Variants in TRPM8 observed in about 807,000 individuals in gnomAD.
The protein encoded by TRPM8 is TRPM8 cationic channel.
TRPM8 carries 110 observed loss-of-function variants against 133.7 expected under a neutral mutation model. That is an observed-to-expected ratio of 0.82 (90% CI 0.70 to 0.96). The LOEUF is 0.96. Among genes scored for constraint, TRPM8 ranks in the 40% least tolerant of loss-of-function variants. TRPM8 has a pLI of 0.00. For missense variants in TRPM8, 1,291 were observed against 1,379.5 expected (o/e 0.94, Z 1.02); for synonymous variants, 535 against 532.3 (o/e 1.01, Z -0.07).
In TRPM8 at chr2:233,964,746, C is replaced by A. The variant is rs1442466525; in HGVS notation, c.1868C>A (p.Thr623Asn). The A allele has an allele frequency of 2.5e-6, 4 of 1,611,382 alleles. No individual in the cohort carries two copies. Among genetic ancestry groups the A allele is most frequent in the Non-Finnish European group, 3.4e-6 (4 of 1,178,202 alleles). The change falls in exon 14 of 26, where the codon ACC (threonine) becomes AAC (asparagine). Residue 623 changes from threonine (T) to asparagine (N), a missense_variant. This residue lies in a region of TRPM8 where 963 missense variants were observed against 968.9 expected (regional missense o/e 0.99). Coordinates refer to ENST00000324695, the MANE Select transcript of TRPM8 (RefSeq NM_024080.5). ...ESEELANEYE[T>N]RAVELFTECY... ...GAGGAGCTGGCTAATGAGTACGAGA[C>A]CCGGGCTGTTGGTGAGTCCACAGTG...
At chr2:234,001,994 G>C (rs1010832057) in intron 22 of TRPM8, among the ~76,000 whole-genome samples, 1 of 152,178 alleles carries the variant, frequency 6.6e-6, no homozygotes, top group Non-Finnish European at 1.5e-5. Flanking sequence ...GGGGAGTGGG[G>C]AGCAGAGAAT....
intron 22 of TRPM8, among the ~76,000 whole-genome samples, chr2:233,998,750 G>C (rs148497614): frequency 6.8e-4 from 103 of 152,170 alleles, no homozygotes; most frequent in African/African-American, 2.3e-3. Context: ...TGCCCATCCA[G>C]TTAGGGTGCC....
chr2:233,988,264 C>A (rs528500103), intron 21 of TRPM8, among the ~76,000 whole-genome samples: 2 of 152,116 alleles, frequency 1.3e-5, no homozygotes, highest in South Asian at 4.2e-4. Context: ...TCCCGAACTT[C>A]TCTTCCTGCC....
intron 22 of TRPM8, among the ~76,000 whole-genome samples, chr2:234,003,733 T>C (rs1029291177): frequency 6.6e-6 from 1 of 152,208 alleles, no homozygotes; most frequent in Non-Finnish European, 1.5e-5. Context: ...AAGAACAATG[T>C]CTAACAGTGT....
Position 233,980,438 on chromosome 2 carries a change from G to A in TRPM8, c.2447+159G>A, listed in dbSNP as rs780709654. Among the ~76,000 whole-genome samples, 23 of 152,168 alleles carry A rather than the reference G, an allele frequency of 1.5e-4. 1 individual carries two copies. The highest frequency in any genetic ancestry group is 1.0e-3 in the Admixed American group (16 of 15,276). ...TTTATAGAGATACACCTTGGTTGTC[G>A]TGAAGTTGAGTCCCCTCTCTTCCCC... On this transcript the variant is annotated intron_variant, in intron 18 of 25. Transcript: ENST00000324695.
At position 233,975,959 on chromosome 2, in the gene TRPM8, A is replaced by G. The variant is rs144131937; in HGVS notation, c.2356-4229A>G. On this transcript the variant is annotated intron_variant, in intron 17 of 25. Transcript: ENST00000324695. ...ACACAAAAACCCAGGAATCTGAGAG[A>G]GAGGACTTGTTCTGGGTTGCTTTGG... 1.5e-4 allele frequency among the ~76,000 whole-genome samples: 23 copies of G among 152,324 alleles called. 1 individual carries two copies. In the East Asian group the frequency reaches 4.4e-3, roughly 29 times the overall value.
intron 23 of TRPM8, 116 bp from the exon 24 acceptor site, chr2:234,007,954 G>C: frequency 9.6e-7 from 1 of 1,043,784 alleles, no homozygotes; most frequent in South Asian, 1.4e-5. Context: ...TTAGCTAAGA[G>C]TGAAAATGAC....
At position 233,999,209 on chromosome 2, in the gene TRPM8, T is replaced by G. The variant is rs28902229; in HGVS notation, c.3130+2693T>G. On this transcript the variant is annotated intron_variant, in intron 22 of 25. Coordinates refer to ENST00000324695, the MANE Select transcript of TRPM8 (RefSeq NM_024080.5). ...CTGGCTGCCTCTGTTCCTTGAAGCA[T>G]CCAGTGATTGGAAGCTGGACCCCAG... 3.8e-3 allele frequency among the ~76,000 whole-genome samples: 579 copies of G among 152,090 alleles called. 27 individuals are homozygous for G. In the East Asian group the frequency reaches 0.099, roughly 26 times the overall value.
intron 21 of TRPM8, among the ~76,000 whole-genome samples, 190 bp from the exon 22 acceptor site, chr2:233,996,136 C>T (rs1692395374): frequency 6.6e-6 from 1 of 150,762 alleles, no homozygotes; most frequent in Non-Finnish European, 1.5e-5. Flanking sequence ...CACTTTTGAC[C>T]CAGCATGAAT....
At chr2:233,961,956 T>A (rs2125180026) in intron 12 of TRPM8, among the ~76,000 whole-genome samples, 1 of 152,304 alleles carries the variant, frequency 6.6e-6, no homozygotes, top group Non-Finnish European at 1.5e-5. Flanking sequence ...CAGAGCTTAG[T>A]GTGGTATACT....
At chr2:233,926,194 A>G (rs762985760) in intron 1 of TRPM8, among the ~76,000 whole-genome samples, 1 of 152,198 alleles carries the variant, frequency 6.6e-6, no homozygotes, top group South Asian at 2.1e-4. Flanking sequence ...GATGGAGTGC[A>G]CTGTGATGCA....
At chr2:234,015,055 G>A (rs182719291) in intron 25 of TRPM8, among the ~76,000 whole-genome samples, 1 of 152,294 alleles carries the variant, frequency 6.6e-6, no homozygotes, top group African/African-American at 2.4e-5. Context: ...ACCCAAAGAT[G>A]TCTTATTCTC....
Position 233,961,064 on chromosome 2 carries a change from C to T in TRPM8, c.1651C>T (p.His551Tyr). The T allele has an allele frequency of 6.2e-7, 1 of 1,613,048 alleles. No homozygotes were observed. The highest frequency in any genetic ancestry group is 8.5e-7 in the Non-Finnish European group (1 of 1,179,574). ...NGRDEMDIEL[H>Y]DVSPITRHPL... ...CCGGGACGAGATGGACATAGAACTCCACGTAGGTACTGGGAGAGTTGCCTG... is the reference window on the plus strand; with the variant it reads ...CCGGGACGAGATGGACATAGAACTCTACGTAGGTACTGGGAGAGTTGCCTG... Residue 551 changes from histidine to tyrosine, a missense_variant and splice_region_variant, in exon 12 of 26, where the codon CAC (histidine) becomes TAC (tyrosine). Coordinates refer to ENST00000324695, the MANE Select transcript of TRPM8 (RefSeq NM_024080.5).
intron 13 of TRPM8, 32 bp downstream of exon 13, chr2:233,963,409 C>A: frequency 7.5e-7 from 1 of 1,327,818 alleles, no homozygotes; most frequent in Non-Finnish European, 1.1e-6. Flanking sequence ...AGATTTACAC[C>A]AAATATATGC....
chr2:233,920,952 A>G (rs1389141525), intron 1 of TRPM8, among the ~76,000 whole-genome samples: 1 of 148,230 alleles, frequency 6.7e-6, no homozygotes, highest in African/African-American at 2.5e-5. Context: ...CGCCTCCTGG[A>G]TTCAAGTGAT....
At chr2:233,933,447 G>C (rs1181025612) in intron 3 of TRPM8, among the ~76,000 whole-genome samples, 2 of 152,138 alleles carry the variant, frequency 1.3e-5, no homozygotes, top group East Asian at 1.9e-4. Flanking sequence ...TTGGTCCAAG[G>C]GGGTAGAACT....
At chr2:233,970,573 G>A (rs781099553) in intron 17 of TRPM8, 147 bp downstream of exon 17, 1 of 729,170 alleles carries the variant, frequency 1.4e-6, no homozygotes, top group Non-Finnish European at 2.3e-6. Context: ...GTCCATGAGT[G>A]TGAAGGTGCA....
At chr2:233,947,646 G>A (rs957783494) in intron 8 of TRPM8, 2 of 1,267,094 alleles carry the variant, frequency 1.6e-6, no homozygotes, top group Non-Finnish European at 2.1e-6. Flanking sequence ...TTCTTGAATG[G>A]TTCTGCACCT....
intron 4 of TRPM8, 136 bp from the exon 5 acceptor site, chr2:233,938,862 C>A (rs10432393): frequency 0.02 from 18,096 of 923,994 alleles, 1,253 homozygotes; most frequent in East Asian, 0.17. Context: ...CCCCCAATGC[C>A]GCGATCCCTG....
Sources: gnomAD v4.1 joint callset for allele counts (sites outside exome capture counted in the v4.1 genomes callset) on GRCh38, gnomAD v4.1.1 for gene constraint, gnomAD v4.1.1 regional missense constraint, MANE v1.5 for transcripts, NCBI Gene and HGNC (gene_info 2026-07-23, HGNC 2026-07-21) for gene names.